Variants in CHMP6 observed in about 807,000 individuals in gnomAD.
CHMP6 encodes the protein charged multivesicular body protein 6, also known as chromatin-modifying protein 6.
A neutral mutation model predicts 32.8 loss-of-function variants in CHMP6; 10 were observed. The observed-to-expected ratio is 0.30, with a 90% CI of 0.19 to 0.52. The LOEUF is 0.52. Ranked by LOEUF, CHMP6 falls within the 20% of genes least tolerant of loss-of-function variation. The pLI is 0.97. For missense variants in CHMP6, 269 were observed against 263.8 expected (o/e 1.02, Z -0.14); for synonymous variants, 123 against 105.8 (o/e 1.16, Z -1.00).
intron 1 of CHMP6, among the ~76,000 whole-genome samples, chr17:80,993,815 G>A (rs2069613834): frequency 1.3e-5 from 2 of 152,198 alleles, no homozygotes; most frequent in South Asian, 2.1e-4. Flanking sequence ...CATCTCATGC[G>A]GCTGAAGCGC....
chr17:80,995,245 G>A, intron 3 of CHMP6, 139 bp downstream of exon 3: 1 of 807,644 alleles, frequency 1.2e-6, no homozygotes, highest in Non-Finnish European at 1.9e-6. Flanking sequence ...CTGAAGAGGG[G>A]CGGGCCTGGA....
rs776448707 is a variant in CHMP6, at chr17:80,996,999, G to T, written c.349-8G>T. 1.2e-6 allele frequency: 2 copies of T among 1,612,662 alleles called. No homozygotes were observed. On this transcript the variant is annotated splice_region_variant and splice_polypyrimidine_tract_variant and intron_variant, in intron 4 of 7. Coordinates refer to ENST00000325167, the MANE Select transcript of CHMP6 (RefSeq NM_024591.5). Reference sequence around the variant, plus strand: ...ACAGGGGTCAACACCCATCACCCTCGTCCACAGGTGATGTCCATTGAAGAG... The same window carrying T: ...ACAGGGGTCAACACCCATCACCCTCTTCCACAGGTGATGTCCATTGAAGAG...
chr17:80,992,001 G>C lies in CHMP6; in HGVS notation c.63+20G>C. On this transcript the variant is annotated intron_variant, in intron 1 of 7. Transcript: ENST00000325167. ...ATCCTGGTGAGGGCCCGGGCCCGGG[G>C]TCAGGGCTGGGGCCGGGACAGGCGA... 2 of 1,407,430 alleles carry C rather than the reference G, an allele frequency of 1.4e-6. No individual in the cohort carries two copies. The highest frequency in any genetic ancestry group is 1.9e-6 in the Non-Finnish European group (2 of 1,067,772). The allele number at this position is 1,407,430 out of a possible 1,614,324, so 87.2% of individuals were successfully genotyped here.
At position 80,997,000 on chromosome 17, in the gene CHMP6, T is replaced by TC; in HGVS notation, c.349-5dup. On this transcript the variant is annotated splice_region_variant and splice_polypyrimidine_tract_variant and intron_variant, in intron 4 of 7. Transcript: ENST00000325167. ...CAGGGGTCAACACCCATCACCCTCGTCCACAGGTGATGTCCATTGAAGAGG... is the reference window on the plus strand; with the variant it reads ...CAGGGGTCAACACCCATCACCCTCGTCCCACAGGTGATGTCCATTGAAGAGG... The TC allele has an allele frequency of 1.9e-6, 3 of 1,612,788 alleles. No homozygotes were observed. Among genetic ancestry groups the TC allele is most frequent in the Non-Finnish European group, 2.5e-6 (3 of 1,179,358 alleles).
At chr17:80,998,571 C>A (rs2069659316) in intron 7 of CHMP6, 151 bp downstream of exon 7, 1 of 1,512,276 alleles carries the variant, frequency 6.6e-7, no homozygotes, top group East Asian at 2.4e-5. Flanking sequence ...GCGTGCCTGG[C>A]CTTGGGGTTG....
Position 80,994,628 on chromosome 17 carries a change from C to T in CHMP6, c.111C>T (p.Ile37=), listed in dbSNP as rs764218928. The T allele has an allele frequency of 2.2e-5, 35 of 1,586,754 alleles. No individual in the cohort carries two copies. The highest frequency in any genetic ancestry group is 8.1e-5 in the South Asian group (7 of 86,766). ...RDKLRQYQKR[I]AQQLERERAL... is the part of the protein sequence containing the mutation. ...AGCTGAGGCAGTACCAGAAGAGGAT[C>T]GCCCAGCAGCTGGAGCGCGAGCGCG... The change falls in exon 2 of 8, where the codon ATC becomes ATT. Residue 37 remains isoleucine, a synonymous_variant. Transcript: ENST00000325167.
At chr17:80,992,329 G>T (rs2069599747) in intron 1 of CHMP6, among the ~76,000 whole-genome samples, 1 of 152,074 alleles carries the variant, frequency 6.6e-6, no homozygotes, top group African/African-American at 2.4e-5. Flanking sequence ...GGTCCGCGCG[G>T]CGCTGGGCTT....
intron 1 of CHMP6, 61 bp from the exon 2 acceptor site, chr17:80,994,520 G>A: frequency 6.9e-7 from 1 of 1,456,644 alleles, no homozygotes; most frequent in Non-Finnish European, 9.3e-7. Flanking sequence ...CTGGCGCTCA[G>A]TAGCGTGGCC....
chr17:80,999,340 C>T lies in CHMP6; in HGVS notation c.*187C>T, dbSNP rs531455528. The T allele has an allele frequency of 1.4e-4, 80 of 588,348 alleles. No homozygotes were observed. The highest frequency in any genetic ancestry group is 1.2e-3 in the African/African-American group (67 of 53,604). 36.4% of individuals were successfully genotyped at this position (588,348 alleles called of 1,614,324 possible). A position where few individuals can be genotyped will look rare whatever the true frequency, so the allele number is the denominator to read the frequency against. The stretch of plus-strand genomic sequence containing the variant: ...GTCTCCTGGAGACCTTGAGCCTGAA[C>T]GCACTCAGGCGCCACTGGCCTGCTC... On this transcript the variant is annotated 3_prime_UTR_variant, in exon 8 of 8. Transcript: ENST00000325167.
intron 1 of CHMP6, 132 bp from the exon 2 acceptor site, chr17:80,994,449 C>A: frequency 1.2e-5 from 8 of 663,870 alleles, no homozygotes; most frequent in Non-Finnish European, 2.0e-5. Flanking sequence ...CACCACCTGT[C>A]CCCTGGAAGG....
At chr17:80,995,938 C>CTGGGAACTG (rs1457851256) in intron 4 of CHMP6, among the ~76,000 whole-genome samples, 180 bp downstream of exon 4, 3 of 152,020 alleles carry the variant, frequency 2.0e-5, no homozygotes, top group Non-Finnish European at 4.4e-5. Flanking sequence ...GCAGCACAGG[C>CTGGGAACTG]TGGGAACTGT....
chr17:80,994,501 C>A, intron 1 of CHMP6, 80 bp from the exon 2 acceptor site: 1 of 1,307,858 alleles, frequency 7.6e-7, no homozygotes, highest in Non-Finnish European at 1.0e-6. Flanking sequence ...GGCCGCCCGG[C>A]CTCCATGCCT....
At chr17:80,996,093 G>A (rs935423012) in intron 4 of CHMP6, among the ~76,000 whole-genome samples, 2 of 152,084 alleles carry the variant, frequency 1.3e-5, no homozygotes, top group African/African-American at 4.8e-5. Context: ...GCCAAGGCAG[G>A]CAGATCACCT....
chr17:80,993,033 A>G (rs1348460099), intron 1 of CHMP6, among the ~76,000 whole-genome samples: 1 of 152,210 alleles, frequency 6.6e-6, no homozygotes, highest in Admixed American at 6.5e-5. Flanking sequence ...CCTGCAAGAC[A>G]GCTGGACCCA....
chr17:80,996,090 C>T (rs1243460399), intron 4 of CHMP6, among the ~76,000 whole-genome samples: 1 of 151,946 alleles, frequency 6.6e-6, no homozygotes, highest in Non-Finnish European at 1.5e-5. Context: ...GAGGCCAAGG[C>T]AGGCAGATCA....
chr17:80,993,194 G>A (rs550966401), intron 1 of CHMP6, among the ~76,000 whole-genome samples: 1 of 152,300 alleles, frequency 6.6e-6, no homozygotes, highest in South Asian at 2.1e-4. Flanking sequence ...CGTGTTGCGG[G>A]CTGCCGTAGG....
rs745574495 is a variant in CHMP6 at position 80,997,332 on chromosome 17, A to C, written c.486A>C (p.Ala162=). ...DEDAILEELS[A]ITQEQIELPE... Reference sequence around the variant, plus strand: ...ACGCCATCCTGGAGGAGCTGAGCGCAATCACTCAGGTAACGGCCCCCCCGG... The same window carrying C: ...ACGCCATCCTGGAGGAGCTGAGCGCCATCACTCAGGTAACGGCCCCCCCGG... The change falls in exon 6 of 8, where the codon GCA becomes GCC. Residue 162 remains alanine (A), a synonymous_variant. Transcript: ENST00000325167. The C allele has an allele frequency of 6.2e-7, 1 of 1,610,550 alleles. No individual in the cohort carries two copies. Among genetic ancestry groups the C allele is most frequent in the Non-Finnish European group, 8.5e-7 (1 of 1,179,772 alleles).
At chr17:80,995,234 C>A in intron 3 of CHMP6, 128 bp downstream of exon 3, 2 of 875,004 alleles carry the variant, frequency 2.3e-6, no homozygotes, top group Non-Finnish European at 3.5e-6. Flanking sequence ...CTGAAGCTGA[C>A]CTGAAGAGGG....
rs922903385 is a variant in CHMP6 at position 80,993,491 on chromosome 17, C to T, written c.64-1090C>T. ...GGGAGACTCCGTGGGTGGAGGGAAC[C>T]GGGAATGAGCCCTCTCAGGTAGAGG... On this transcript the variant is annotated intron_variant, in intron 1 of 7. Coordinates refer to ENST00000325167, the MANE Select transcript of CHMP6 (RefSeq NM_024591.5). Among the ~76,000 whole-genome samples, 4 of 152,266 alleles carry T rather than the reference C, an allele frequency of 2.6e-5. No individual in the cohort carries two copies. In the East Asian group the frequency reaches 7.7e-4, roughly 29 times the overall value.
Sources: gnomAD v4.1 joint callset for allele counts (sites outside exome capture counted in the v4.1 genomes callset) on GRCh38, gnomAD v4.1.1 for gene constraint, MANE v1.5 for transcripts, NCBI Gene and HGNC (gene_info 2026-07-23, HGNC 2026-07-21) for gene names.